Variants in ZNF518B observed in about 807,000 individuals in gnomAD.
ZNF518B encodes the protein zinc finger protein 518B.
Under a neutral mutation model 56.3 loss-of-function variants are expected in ZNF518B, and 23 were observed. The observed-to-expected ratio is 0.41, with a 90% CI of 0.29 to 0.58. The LOEUF (loss-of-function observed/expected upper bound fraction) is 0.58, where lower values mean the gene tolerates loss of function less well. ZNF518B is among the 20% of genes least tolerant of loss of function. The probability of loss-of-function intolerance (pLI) is 0.32; values close to 1 mark genes in which losing one functional copy is unlikely to be tolerated. For synonymous variants in ZNF518B, 529 were observed against 465.9 expected, an observed-to-expected ratio of 1.14 and a Z score of -1.74; for missense variants, 1,460 against 1,272.1, an observed-to-expected ratio of 1.15 and a Z score of -2.25.
chr4:10,455,254 T>C (rs144592841), intron 1 of ZNF518B, among the ~76,000 whole-genome samples: 4 of 152,302 alleles, frequency 2.6e-5, no homozygotes, highest in African/African-American at 7.2e-5. Context: ...CACCCTATGA[T>C]GACAATGTTT....
intron 2 of ZNF518B, among the ~76,000 whole-genome samples, chr4:10,450,634 A>G (rs566932219): frequency 6.6e-6 from 1 of 152,184 alleles, no homozygotes; most frequent in East Asian, 1.9e-4. Context: ...ACACCTGTGA[A>G]GCTGAGTCCT....
rs1714746405 is a variant in ZNF518B, at chr4:10,442,913, C to T, written c.*191G>A. On this transcript the variant is annotated 3_prime_UTR_variant, in exon 3 of 3. Coordinates refer to ENST00000326756, the MANE Select transcript of ZNF518B (RefSeq NM_053042.3). ...CCAATTTGCATGTACAATTTCAGAG[C>T]CTTCAAATACATTCTGGGGTCCAAT... 1.8e-6 allele frequency: 1 copy of T among 553,408 alleles called. No homozygotes were observed. 34.3% of individuals were successfully genotyped at this position (553,408 alleles called of 1,614,324 possible).
rs1268436533 is a variant in ZNF518B, at chr4:10,444,928, ATT to A, written c.1399_1400del (p.Asn467Ter). 6.2e-7 allele frequency: 1 copy of A among 1,610,614 alleles called. No individual in the cohort carries two copies. Among genetic ancestry groups the A allele is most frequent in the African/African-American group, 1.3e-5 (1 of 74,502 alleles). The part of the protein sequence containing the change: ...SETIEDFQKK[N>X]NLYPHRTAFP... ...AAGCAGTTCTATGTGGATACAAATT[ATT>A]TTTTTTCTGAAAATCCTCAATTGTT... On this transcript the variant is annotated frameshift_variant, in exon 3 of 3. Coordinates refer to ENST00000326756, the MANE Select transcript of ZNF518B (RefSeq NM_053042.3). LOFTEE classifies it high-confidence loss of function.
rs999540097 is a variant in ZNF518B at position 10,442,019 on chromosome 4, C to T, written c.*1085G>A. On this transcript the variant is annotated 3_prime_UTR_variant, in exon 3 of 3. Coordinates refer to ENST00000326756, the MANE Select transcript of ZNF518B (RefSeq NM_053042.3). ...GGAAAACCTTAAGGGGTCTCAAAGGCACAGAAAGGAAGAAACAGTGGGCAA... is the reference window on the plus strand; with the variant it reads ...GGAAAACCTTAAGGGGTCTCAAAGGTACAGAAAGGAAGAAACAGTGGGCAA... 4.6e-5 allele frequency: 7 copies of T among 152,110 alleles called. No individual in the cohort carries two copies. The East Asian group carries it at 5.8e-4, about 13-fold the overall frequency. The allele number at this position is 152,110 out of a possible 1,614,324, so 9.4% of individuals were successfully genotyped here. A position where few individuals can be genotyped will look rare whatever the true frequency, so the allele number is the denominator to read the frequency against.
In ZNF518B at chr4:10,445,187, T is replaced by C. The variant is rs754863940; in HGVS notation, c.1142A>G (p.Asn381Ser). 1 of 1,614,122 alleles carries C rather than the reference T, an allele frequency of 6.2e-7. No individual in the cohort carries two copies. The highest frequency in any genetic ancestry group is 1.3e-5 in the African/African-American group (1 of 74,938). ...CLEAGRDNGG[N>S]SERMVKEKGS... is the part of the protein sequence containing the mutation. The stretch of plus-strand genomic sequence containing the variant: ...CTTCTCTTTCACCATACGTTCAGAA[T>C]TACCTCCATTATCCCTCCCAGCTTC... The change falls in exon 3 of 3, where the codon AAT becomes AGT. Residue 381 changes from asparagine to serine, a missense_variant. By Grantham distance (46) the Asn-to-Ser change is conservative. Coordinates refer to ENST00000326756, the MANE Select transcript of ZNF518B (RefSeq NM_053042.3).
rs912423358 is a variant in ZNF518B, at chr4:10,441,571, T to A, written c.*1533A>T. 1 of 152,582 alleles carries A rather than the reference T, an allele frequency of 6.6e-6. No individual in the cohort carries two copies. The highest frequency in any genetic ancestry group is 1.9e-4 in the East Asian group (1 of 5,194). 9.5% of individuals were successfully genotyped at this position (152,582 alleles called of 1,614,324 possible). ...AATCGCCTAAGACAGGAATAGCCCC[T>A]GGAGGGAGGGAAATGCAAGTTGGGG... On this transcript the variant is annotated 3_prime_UTR_variant, in exon 3 of 3. Transcript: ENST00000326756.
At chr4:10,447,486 G>A (rs1031284609) in intron 2 of ZNF518B, among the ~76,000 whole-genome samples, 2 of 152,090 alleles carry the variant, frequency 1.3e-5, no homozygotes, top group Non-Finnish European at 2.9e-5. Context: ...AGGAGAATGG[G>A]GAACGGGACA....
In ZNF518B at chr4:10,446,430, C is replaced by A; in HGVS notation, c.-102G>T. ...CTATACAGTTTGTGATGGGTAGGGG[C>A]GCAGCTACTTCTTGGGTGCATACTT... is the stretch of plus-strand genomic sequence containing the variant. On this transcript the variant is annotated 5_prime_UTR_variant, in exon 3 of 3. Transcript: ENST00000326756. 1 of 1,103,874 alleles carries A rather than the reference C, an allele frequency of 9.1e-7. No individual in the cohort carries two copies. The highest frequency in any genetic ancestry group is 1.6e-5 in the South Asian group (1 of 64,512). The allele number at this position is 1,103,874 out of a possible 1,614,324, so 68.4% of individuals were successfully genotyped here. A position where few individuals can be genotyped will look rare whatever the true frequency, so the allele number is the denominator to read the frequency against.
At chr4:10,452,569 C>G (rs1391481033) in intron 2 of ZNF518B, 1 of 152,142 alleles carries the variant, frequency 6.6e-6, no homozygotes, top group African/African-American at 2.4e-5. Context: ...AAACTGTTGC[C>G]TCAGAAACAG....
upstream of ZNF518B, among the ~76,000 whole-genome samples, chr4:10,460,304 C>CAGAAAA (rs1715700433): frequency 1.1e-4 from 1 of 8,804 alleles, no homozygotes; most frequent in Non-Finnish European, 1.6e-4. Context: ...GACTCTGTCT[C>CAGAAAA]AAAAAAAAAA....
rs544112876 is a variant in ZNF518B at position 10,441,514 on chromosome 4, C to G, written c.*1590G>C. On this transcript the variant is annotated 3_prime_UTR_variant, in exon 3 of 3. Transcript: ENST00000326756. The stretch of plus-strand genomic sequence containing the variant: ...TCACTGGTGTCTTTTTCAGGTGCAA[C>G]AACTCTTTAGTTTCATTCACTGCAC... The G allele has an allele frequency of 2.0e-5, 3 of 151,858 alleles. No individual in the cohort carries two copies. In the South Asian group the frequency reaches 6.3e-4, roughly 32 times the overall value. The allele number at this position is 151,858 out of a possible 1,614,324, so 9.4% of individuals were successfully genotyped here.
upstream of ZNF518B, among the ~76,000 whole-genome samples, chr4:10,459,146 A>G (rs1715664021): frequency 6.6e-6 from 1 of 152,194 alleles, no homozygotes; most frequent in South Asian, 2.1e-4. Flanking sequence ...GGTTGTCAAC[A>G]TTAAACAAGA....
chr4:10,457,914 A>G (rs533944466), upstream of ZNF518B, among the ~76,000 whole-genome samples: 33 of 152,308 alleles, frequency 2.2e-4, 1 homozygote, highest in African/African-American at 1.4e-4. Flanking sequence ...CCTTGGCGAG[A>G]AAGTCCCCTG....
intron 2 of ZNF518B, among the ~76,000 whole-genome samples, chr4:10,448,821 C>T (rs1011535570): frequency 1.3e-5 from 2 of 152,108 alleles, no homozygotes; most frequent in African/African-American, 4.8e-5. Flanking sequence ...GACAACACAA[C>T]TTTCAGAGGA....
rs774583607 is a variant in ZNF518B, at chr4:10,444,910, T to C, written c.1419A>G (p.Arg473=). The C allele has an allele frequency of 2.5e-6, 4 of 1,611,536 alleles. No homozygotes were observed. In the East Asian group the frequency reaches 8.9e-5, roughly 36 times the overall value. Residue 473 remains arginine (R), a synonymous_variant, in exon 3 of 3, where the codon AGA becomes AGG. Transcript: ENST00000326756. ...FQKKNNLYPH[R]TAFPSVALKG... ...TTAAGGCAACGGAAGGAAAAGCAGT[T>C]CTATGTGGATACAAATTATTTTTTT...
Position 10,443,068 on chromosome 4 carries a change from C to A in ZNF518B, c.*36G>T. 2 of 1,567,708 alleles carry A rather than the reference C, an allele frequency of 1.3e-6. No individual in the cohort carries two copies. Among genetic ancestry groups the A allele is most frequent in the Admixed American group, 1.9e-5 (1 of 53,630 alleles). On this transcript the variant is annotated 3_prime_UTR_variant, in exon 3 of 3. Transcript: ENST00000326756. Reference sequence around the variant, plus strand: ...TGGAGGGACTCCAAACCAGAATAAACTAAAAGATAACTTGCTTTAAAGAGT... The same window carrying A: ...TGGAGGGACTCCAAACCAGAATAAAATAAAAGATAACTTGCTTTAAAGAGT...
chr4:10,448,384 C>T (rs1715160375), intron 2 of ZNF518B, among the ~76,000 whole-genome samples: 1 of 152,062 alleles, frequency 6.6e-6, no homozygotes. Context: ...TAAAAAAGCC[C>T]CTCCACAGGG....
chr4:10,448,713 G>A (rs1359205332), intron 2 of ZNF518B, among the ~76,000 whole-genome samples: 1 of 151,968 alleles, frequency 6.6e-6, no homozygotes, highest in East Asian at 1.9e-4. Context: ...CTGTGTAAGG[G>A]GACCATGATT....
chr4:10,455,162 G>A (rs1352886114), intron 1 of ZNF518B, among the ~76,000 whole-genome samples, 174 bp from the exon 2 acceptor site: 1 of 152,192 alleles, frequency 6.6e-6, no homozygotes, highest in African/African-American at 2.4e-5. Flanking sequence ...CAACCTAGCA[G>A]ATCAGGTTAC....
Sources: gnomAD v4.1 joint callset for allele counts (sites outside exome capture counted in the v4.1 genomes callset) on GRCh38, gnomAD v4.1.1 for gene constraint, MANE v1.5 for transcripts, NCBI Gene and HGNC (gene_info 2026-07-23, HGNC 2026-07-21) for gene names.